Variants in SYNPO2 observed in about 807,000 individuals in gnomAD.
SYNPO2 encodes synaptopodin 2, also known as synaptopodin-2.
Under a neutral mutation model 85.0 loss-of-function variants are expected in SYNPO2, and 56 were observed. The observed-to-expected ratio is 0.66, with a 90% CI of 0.53 to 0.82. The LOEUF is 0.82. Ranked by LOEUF, SYNPO2 falls within the 40% of genes least tolerant of loss-of-function variation. The pLI is 0.00. For missense variants in SYNPO2, 1,575 were observed against 1,534.2 expected (o/e 1.03, Z -0.44); for synonymous variants, 602 against 591.1 (o/e 1.02, Z -0.27).
At chr4:118,914,410 T>G (rs1404045869) in intron 1 of SYNPO2, among the ~76,000 whole-genome samples, 1 of 151,978 alleles carries the variant, frequency 6.6e-6, no homozygotes, top group African/African-American at 2.4e-5. Flanking sequence ...AATTAAAGTA[T>G]GGACAGAGAA....
chr4:118,933,822 T>C (rs1366298492), intron 1 of SYNPO2, among the ~76,000 whole-genome samples: 5 of 105,632 alleles, frequency 4.7e-5, no homozygotes, highest in South Asian at 4.0e-4. Context: ...TTTTTGCTGT[T>C]GTTGTTGTTT....
rs540924169 is a variant in SYNPO2 at position 119,034,248 on chromosome 4, G to A, written c.3252+2221G>A. The A allele has an allele frequency of 1.2e-4, 123 of 985,426 alleles. No homozygotes were observed. In the African/African-American group the frequency reaches 1.9e-3, roughly 15 times the overall value. 61.0% of individuals were successfully genotyped at this position (985,426 alleles called of 1,614,324 possible). On this transcript the variant is annotated intron_variant, in intron 4 of 4. Coordinates refer to ENST00000307142, the MANE Select transcript of SYNPO2 (RefSeq NM_133477.3). ...TTTATAGCTTTGCATTCTTAACATAGCATTTAAAGAGCGGCATGAATTAGA... is the reference window on the plus strand; with the variant it reads ...TTTATAGCTTTGCATTCTTAACATAACATTTAAAGAGCGGCATGAATTAGA...
chr4:119,000,299 T>G (rs755190872), intron 1 of SYNPO2, among the ~76,000 whole-genome samples: 1 of 152,244 alleles, frequency 6.6e-6, no homozygotes, highest in African/African-American at 2.4e-5. Context: ...TGTAACCCAC[T>G]GAGATAACCT....
At chr4:118,927,738 A>ATAGAT (rs1560874130) in intron 1 of SYNPO2, among the ~76,000 whole-genome samples, 5 of 134,220 alleles carry the variant, frequency 3.7e-5, no homozygotes, top group African/African-American at 1.2e-4. Flanking sequence ...ATAGATAGAT[A>ATAGAT]GATAGATAGA....
At chr4:118,953,988 A>G (rs1406498802) in intron 1 of SYNPO2, among the ~76,000 whole-genome samples, 1 of 152,180 alleles carries the variant, frequency 6.6e-6, no homozygotes, top group East Asian at 1.9e-4. Context: ...TGATTTCTGC[A>G]GGTCCTTGTC....
chr4:118,887,166 A>T (rs868561266), upstream of SYNPO2, among the ~76,000 whole-genome samples: 3 of 139,054 alleles, frequency 2.2e-5, no homozygotes, highest in Non-Finnish European at 3.1e-5. Context: ...CATCTGAGTG[A>T]GTGTGTGTGT....
chr4:119,004,222 A>AG (rs1248942447), intron 1 of SYNPO2, among the ~76,000 whole-genome samples: 33 of 151,130 alleles, frequency 2.2e-4, no homozygotes, highest in African/African-American at 7.9e-4. Context: ...GTTCAAAATT[A>AG]CCTTTTTTTA....
At chr4:118,865,699 G>A (rs963379878) in intron 1 of SYNPO2, among the ~76,000 whole-genome samples, 21 of 152,178 alleles carry the variant, frequency 1.4e-4, no homozygotes, top group Admixed American at 6.5e-5. Context: ...TTTGGAAACA[G>A]GAGGAAGGAG....
At chr4:118,954,672 C>CTGT (rs5861397) in intron 1 of SYNPO2, among the ~76,000 whole-genome samples, 126,465 of 151,778 alleles carry the variant, frequency 0.83, 53,282 homozygotes, top group South Asian at 0.93. Context: ...AAGTATCCTT[C>CTGT]AGATATAGAT....
At chr4:119,056,375 G>A (rs528419605) in intron 4 of SYNPO2, among the ~76,000 whole-genome samples, 1 of 152,054 alleles carries the variant, frequency 6.6e-6, no homozygotes, top group East Asian at 1.9e-4. Context: ...GGGCAACAGG[G>A]AGATCCTGTC....
intron 1 of SYNPO2, among the ~76,000 whole-genome samples, chr4:118,935,950 C>G (rs1734085629): frequency 6.6e-6 from 1 of 152,062 alleles, no homozygotes; most frequent in Non-Finnish European, 1.5e-5. Context: ...ATTTTGCTGT[C>G]TTAGGGGTGG....
intron 1 of SYNPO2, among the ~76,000 whole-genome samples, chr4:118,982,036 C>G (rs1209367093): frequency 6.6e-6 from 1 of 152,046 alleles, no homozygotes; most frequent in East Asian, 1.9e-4. Flanking sequence ...AAATATGCAG[C>G]GTGGGTGTCA....
At chr4:119,029,551 G>GT (rs1254344799) in intron 3 of SYNPO2, among the ~76,000 whole-genome samples, 2 of 152,092 alleles carry the variant, frequency 1.3e-5, no homozygotes, top group East Asian at 3.9e-4. Context: ...TTACTAGCCA[G>GT]TTTTTATTAT....
rs61064985 is a variant in SYNPO2, at chr4:119,057,973, TA to T, written c.*47del. The T allele has an allele frequency of 0.14, 217,406 of 1,556,070 alleles. 18,226 individuals are homozygous for T. The highest frequency in any genetic ancestry group is 0.38 in the African/African-American group (27,676 of 72,128). ...GGATCATGTGCCAACTGTAGTTTTT[TA>T]AAAAAAACGCTCCTTTGTAGGGTTT... is the stretch of plus-strand genomic sequence containing the variant. On this transcript the variant is annotated 3_prime_UTR_variant, in exon 5 of 5. Transcript: ENST00000307142.
chr4:118,928,762 A>G (rs1326797513), intron 1 of SYNPO2, among the ~76,000 whole-genome samples: 2 of 152,200 alleles, frequency 1.3e-5, no homozygotes, highest in Non-Finnish European at 2.9e-5. Context: ...ATACTGTGAG[A>G]CAAAGTTTGA....
intron 1 of SYNPO2, among the ~76,000 whole-genome samples, chr4:118,921,077 AC>A (rs1259567537): frequency 6.6e-6 from 1 of 151,658 alleles, no homozygotes; most frequent in African/African-American, 2.4e-5. Context: ...GCTATTTTTT[AC>A]TTTTATTTTG....
At chr4:119,032,588 A>C in intron 4 of SYNPO2, 1 of 994,572 alleles carries the variant, frequency 1.0e-6, no homozygotes, top group East Asian at 1.1e-4. Flanking sequence ...CAGAGAAGAT[A>C]CTCGGAGGAT....
intron 1 of SYNPO2, among the ~76,000 whole-genome samples, chr4:118,986,223 G>T (rs775523700): frequency 2.7e-4 from 41 of 152,058 alleles, no homozygotes; most frequent in Admixed American, 6.5e-4. Flanking sequence ...CAGCCCATAG[G>T]ATGCCCTCTT....
chr4:118,967,498 A>G (rs28417600), intron 1 of SYNPO2, among the ~76,000 whole-genome samples: 161 of 152,320 alleles, frequency 1.1e-3, no homozygotes, highest in African/African-American at 3.6e-3. Flanking sequence ...ATGGTAGCAC[A>G]TTTCATCACA....
Sources: gnomAD v4.1 joint callset for allele counts (sites outside exome capture counted in the v4.1 genomes callset) on GRCh38, gnomAD v4.1.1 for gene constraint, MANE v1.5 for transcripts, NCBI Gene and HGNC (gene_info 2026-07-23, HGNC 2026-07-21) for gene names.